Variants in PPID observed in about 807,000 individuals in gnomAD.
The protein encoded by PPID is peptidyl-prolyl cis-trans isomerase D.
In PPID, 47 loss-of-function variants were observed where a neutral mutation model predicts 48.1. That is an observed-to-expected ratio of 0.98 (90% confidence interval 0.77 to 1.25). PPID has a LOEUF of 1.25. Ranked by LOEUF, PPID falls within the 50% of genes most tolerant of loss-of-function variation. The pLI is 0.00. For missense variants in PPID, 429 were observed against 443.5 expected (o/e 0.97, Z 0.29); for synonymous variants, 163 against 148.8 (o/e 1.10, Z -0.69).
intron 4 of PPID, 76 bp from the exon 5 acceptor site, chr4:158,715,760 G>GTAT: frequency 6.8e-7 from 1 of 1,480,972 alleles, no homozygotes; most frequent in Non-Finnish European, 9.3e-7. Context: ...CTGAAGTCAT[G>GTAT]TGCAGCACTG....
At position 158,719,241 on chromosome 4, in the gene PPID, T is replaced by C. The variant is rs150071508; in HGVS notation, c.272A>G (p.Asn91Ser). The C allele has an allele frequency of 5.6e-6, 9 of 1,611,682 alleles. No homozygotes were observed. Among genetic ancestry groups the C allele is most frequent in the Non-Finnish European group, 5.9e-6 (7 of 1,178,226 alleles). Residue 91 changes from asparagine to serine, a missense_variant, in exon 3 of 10, where the codon AAT becomes AGT. Coordinates refer to ENST00000307720, the MANE Select transcript of PPID (RefSeq NM_005038.3). ...ATAAATACTTTCTCCACCTGTCCCATTCTGATTTGAGAAGTCTCCACCCTG... is the reference window on the plus strand; with the variant it reads ...ATAAATACTTTCTCCACCTGTCCCACTCTGATTTGAGAAGTCTCCACCCTG... ...MIQGGDFSNQNGTGGESIYGE... is the reference protein window; with the variant it reads ...MIQGGDFSNQSGTGGESIYGE...
intron 7 of PPID, among the ~76,000 whole-genome samples, 175 bp downstream of exon 7, chr4:158,712,944 A>T (rs1335722487): frequency 6.6e-6 from 1 of 152,260 alleles, no homozygotes; most frequent in African/African-American, 2.4e-5. Context: ...CAGAGTTATA[A>T]GCAAAATGAA....
intron 2 of PPID, 75 bp from the exon 3 acceptor site, chr4:158,719,361 G>A (rs1182000912): frequency 1.5e-5 from 14 of 948,762 alleles, no homozygotes; most frequent in Admixed American, 5.8e-5. Flanking sequence ...GGATACGTAC[G>A]TAAGACAACT....
At chr4:158,712,316 T>A (rs1208702234) in intron 7 of PPID, among the ~76,000 whole-genome samples, 1 of 152,180 alleles carries the variant, frequency 6.6e-6, no homozygotes, top group African/African-American at 2.4e-5. Flanking sequence ...CAAGTCCTGA[T>A]GAACCTAAAT....
At chr4:158,711,439 G>C (rs1318130465) in intron 7 of PPID, among the ~76,000 whole-genome samples, 1 of 151,326 alleles carries the variant, frequency 6.6e-6, no homozygotes, top group Non-Finnish European at 1.5e-5. Context: ...GCCCAGGCTG[G>C]TTTCAAACTC....
intron 4 of PPID, 44 bp downstream of exon 4, chr4:158,716,968 G>C: frequency 2.6e-6 from 4 of 1,561,384 alleles, no homozygotes; most frequent in Non-Finnish European, 3.5e-6. Context: ...CAAAAAGATA[G>C]CAACTAAGAT....
At chr4:158,711,504 G>A (rs892477162) in intron 7 of PPID, among the ~76,000 whole-genome samples, 1 of 152,012 alleles carries the variant, frequency 6.6e-6, no homozygotes, top group African/African-American at 2.4e-5. Flanking sequence ...TGGAATTACA[G>A]GCATGAACCA....
intron 7 of PPID, among the ~76,000 whole-genome samples, chr4:158,711,406 TA>T (rs951078842): frequency 1.4e-5 from 2 of 146,860 alleles, no homozygotes; most frequent in African/African-American, 5.4e-5. Context: ...TTTTTTTTTT[TA>T]GAGACAGGGT....
chr4:158,719,511 C>T (rs1311976183), intron 2 of PPID, among the ~76,000 whole-genome samples: 4 of 152,160 alleles, frequency 2.6e-5, no homozygotes, highest in East Asian at 1.9e-4. Context: ...TTCAGAAAAT[C>T]GGTTCAAATG....
chr4:158,711,988 C>A (rs1427418397), intron 7 of PPID, among the ~76,000 whole-genome samples: 5 of 152,028 alleles, frequency 3.3e-5, no homozygotes, highest in African/African-American at 1.2e-4. Context: ...CCCATCTTTT[C>A]TTTTGATAAG....
At chr4:158,716,817 C>T (rs1409064612) in intron 4 of PPID, among the ~76,000 whole-genome samples, 195 bp downstream of exon 4, 4 of 151,962 alleles carry the variant, frequency 2.6e-5, no homozygotes, top group Non-Finnish European at 5.9e-5. Flanking sequence ...AAAAATTAGC[C>T]GGGTGTTGTA....
chr4:158,719,533 A>G (rs1774923044), intron 2 of PPID, among the ~76,000 whole-genome samples: 1 of 152,170 alleles, frequency 6.6e-6, no homozygotes, highest in Non-Finnish European at 1.5e-5. Flanking sequence ...TACCTCCCCT[A>G]TAAAACTGTC....
At chr4:158,719,331 C>G (rs1465191548) in intron 2 of PPID, 45 bp from the exon 3 acceptor site, 1 of 1,247,250 alleles carries the variant, frequency 8.0e-7, no homozygotes, top group East Asian at 2.3e-5. Flanking sequence ...ACATGGATGC[C>G]TTTAGCAATG....
At chr4:158,715,736 T>C in intron 4 of PPID, 52 bp from the exon 5 acceptor site, 1 of 1,562,894 alleles carries the variant, frequency 6.4e-7, no homozygotes. Flanking sequence ...TAATGAGAGA[T>C]AAAAGCTATA....
At chr4:158,721,719 G>C (rs753126205) in intron 1 of PPID, among the ~76,000 whole-genome samples, 1 of 151,916 alleles carries the variant, frequency 6.6e-6, no homozygotes, top group Non-Finnish European at 1.5e-5. Flanking sequence ...TAGGTCTCTC[G>C]TGATCAACAT....
At chr4:158,722,531 C>T (rs1301993597) in intron 1 of PPID, among the ~76,000 whole-genome samples, 1 of 152,234 alleles carries the variant, frequency 6.6e-6, no homozygotes, top group East Asian at 1.9e-4. Context: ...AACACATTGC[C>T]TGGCCAGCAA....
rs188792152 is a variant in PPID, at chr4:158,715,546, A to G, written c.645+16T>C. On this transcript the variant is annotated intron_variant, in intron 5 of 9. Coordinates refer to ENST00000307720, the MANE Select transcript of PPID (RefSeq NM_005038.3). ...TACTAAATTAATTAAAGTTTGACTA[A>G]TCTGAAAGTACTCACATCTTTTAAA... is the stretch of plus-strand genomic sequence containing the variant. 3 of 1,612,682 alleles carry G rather than the reference A, an allele frequency of 1.9e-6. No individual in the cohort carries two copies. In the African/African-American group the frequency reaches 4.0e-5, roughly 21 times the overall value.
At chr4:158,721,308 T>A in intron 2 of PPID, 35 bp downstream of exon 2, 1 of 1,604,282 alleles carries the variant, frequency 6.2e-7, no homozygotes, top group Non-Finnish European at 8.5e-7. Context: ...CTTGTCTGTA[T>A]GAAGAATAAC....
At position 158,723,362 on chromosome 4, in the gene PPID, T is replaced by A; in HGVS notation, c.-74A>T. Reference sequence around the variant, plus strand: ...CGCCCGGGCCGCCCAAACTCCAGAGTCCGTCTCCGCCGGAGACCGGCAGCG... The same window carrying A: ...CGCCCGGGCCGCCCAAACTCCAGAGACCGTCTCCGCCGGAGACCGGCAGCG... On this transcript the variant is annotated 5_prime_UTR_variant, in exon 1 of 10. Transcript: ENST00000307720. 1 of 1,450,258 alleles carries A rather than the reference T, an allele frequency of 6.9e-7. No homozygotes were observed. The highest frequency in any genetic ancestry group is 9.6e-7 in the Non-Finnish European group (1 of 1,044,540). 89.8% of individuals were successfully genotyped at this position (1,450,258 alleles called of 1,614,324 possible).
Sources: gnomAD v4.1 joint callset for allele counts (sites outside exome capture counted in the v4.1 genomes callset) on GRCh38, gnomAD v4.1.1 for gene constraint, MANE v1.5 for transcripts, NCBI Gene and HGNC (gene_info 2026-07-23, HGNC 2026-07-21) for gene names.